Variants in SNX30 observed in about 807,000 individuals in gnomAD.
The protein encoded by SNX30 is sorting nexin family member 30, also known as sorting nexin-30.
A neutral mutation model predicts 46.4 loss-of-function variants in SNX30; 24 were observed. The ratio of observed to expected loss-of-function variants is 0.52; its 90% CI spans 0.37 to 0.73. The LOEUF (loss-of-function observed/expected upper bound fraction) is 0.73, where lower values mean the gene tolerates loss of function less well. Among genes scored for constraint, SNX30 ranks in the 30% least tolerant of loss-of-function variants. SNX30 has a pLI of 0.00. For synonymous variants in SNX30, 189 were observed against 211.5 expected, an observed-to-expected ratio of 0.89 and a Z score of 0.92; for missense variants, 533 against 555.7, an observed-to-expected ratio of 0.96 and a Z score of 0.41.
chr9:112,866,654 T>G (rs1192027068), intron 8 of SNX30: 2 of 416,478 alleles, frequency 4.8e-6, no homozygotes, highest in Non-Finnish European at 9.7e-6. Context: ...CTTTCTGGCT[T>G]GACCTAGGAT....
intron 2 of SNX30, among the ~76,000 whole-genome samples, chr9:112,815,460 A>T (rs1255784793): frequency 7.3e-5 from 11 of 151,540 alleles, no homozygotes; most frequent in Non-Finnish European, 1.5e-5. Context: ...TCTGGGGTTC[A>T]AGCAATTCTT....
chr9:112,837,954 G>C (rs1042654064), intron 5 of SNX30, among the ~76,000 whole-genome samples: 8 of 132,758 alleles, frequency 6.0e-5, no homozygotes, highest in Non-Finnish European at 1.6e-5. Context: ...GCAGTGGAGT[G>C]ATCTTGGCTC....
chr9:112,770,773 G>A (rs993050246), intron 1 of SNX30, among the ~76,000 whole-genome samples: 2 of 152,030 alleles, frequency 1.3e-5, no homozygotes, highest in African/African-American at 4.8e-5. Flanking sequence ...CGAGGCAGGC[G>A]GATCACGAGG....
At chr9:112,885,051 G>C (rs1489370549), downstream of SNX30, 1 of 152,204 alleles carries the variant, frequency 6.6e-6, no homozygotes, top group African/African-American at 2.4e-5. Flanking sequence ...TTCGAAGACA[G>C]AGCTAGCTCA....
At chr9:112,787,836 G>A (rs1001990749) in intron 1 of SNX30, among the ~76,000 whole-genome samples, 2 of 151,068 alleles carry the variant, frequency 1.3e-5, no homozygotes, top group African/African-American at 2.4e-5. Flanking sequence ...TCGCTCTGTC[G>A]CCCAGGGTAG....
At chr9:112,790,433 T>C (rs1840000938) in intron 1 of SNX30, among the ~76,000 whole-genome samples, 1 of 152,222 alleles carries the variant, frequency 6.6e-6, no homozygotes, top group Non-Finnish European at 1.5e-5. Context: ...CTCCTGCAAG[T>C]CTTCCCATTC....
chr9:112,842,852 A>G (rs1840880768), intron 6 of SNX30, among the ~76,000 whole-genome samples: 1 of 152,228 alleles, frequency 6.6e-6, no homozygotes, highest in African/African-American at 2.4e-5. Flanking sequence ...AACAATGAGA[A>G]CAGCTTGTAC....
chr9:112,807,393 C>T (rs900688291), intron 2 of SNX30, among the ~76,000 whole-genome samples: 9 of 152,008 alleles, frequency 5.9e-5, no homozygotes, highest in African/African-American at 9.7e-5. Context: ...GCAGCAGGTT[C>T]GCATGTAAAG....
chr9:112,794,735 A>G (rs1840082360), intron 1 of SNX30, among the ~76,000 whole-genome samples: 1 of 152,226 alleles, frequency 6.6e-6, no homozygotes, highest in African/African-American at 2.4e-5. Flanking sequence ...TTAATGTAAT[A>G]TAAAATTTTG....
intron 1 of SNX30, among the ~76,000 whole-genome samples, chr9:112,795,849 G>A (rs899959561): frequency 6.6e-6 from 1 of 151,968 alleles, no homozygotes; most frequent in African/African-American, 2.4e-5. Flanking sequence ...TACAGTGTTT[G>A]TGGATAAGTT....
rs1841407434 is a variant in SNX30, at chr9:112,869,219, C to T, written c.*376C>T. 2 of 215,124 alleles carry T rather than the reference C, an allele frequency of 9.3e-6. No individual in the cohort carries two copies. Among genetic ancestry groups the T allele is most frequent in the Non-Finnish European group, 9.6e-6 (1 of 104,240 alleles). 13.3% of individuals were successfully genotyped at this position (215,124 alleles called of 1,614,324 possible). A position where few individuals can be genotyped will look rare whatever the true frequency, so the allele number is the denominator to read the frequency against. ...GCCAGTTGTGGGAGAGAACCCGGGGCCTGCTTTTCAAGGATGAGGAGGAGG... is the reference window on the plus strand; with the variant it reads ...GCCAGTTGTGGGAGAGAACCCGGGGTCTGCTTTTCAAGGATGAGGAGGAGG... On this transcript the variant is annotated 3_prime_UTR_variant, in exon 9 of 9. Transcript: ENST00000374232.
rs776368957 is a variant in SNX30, at chr9:112,850,963, G to C, written c.1101+18G>C. The C allele has an allele frequency of 1.1e-5, 17 of 1,603,894 alleles. No homozygotes were observed. In the Admixed American group the frequency reaches 2.0e-4, roughly 19 times the overall value. On this transcript the variant is annotated intron_variant, in intron 7 of 8. Coordinates refer to ENST00000374232, the MANE Select transcript of SNX30 (RefSeq NM_001012994.2). ...GCCCCAAGGTCAGGGAAGCCACCTGGGAAGGGCTGCAAAGCTGTAGTCTCC... is the reference window on the plus strand; with the variant it reads ...GCCCCAAGGTCAGGGAAGCCACCTGCGAAGGGCTGCAAAGCTGTAGTCTCC...
chr9:112,859,552 A>G (rs1841194938), intron 7 of SNX30, among the ~76,000 whole-genome samples: 1 of 152,214 alleles, frequency 6.6e-6, no homozygotes, highest in Admixed American at 6.5e-5. Context: ...CATAGCAGCT[A>G]TACTGTTTTA....
intron 1 of SNX30, among the ~76,000 whole-genome samples, chr9:112,765,263 T>TC (rs1839517767): frequency 1.3e-5 from 2 of 152,226 alleles, no homozygotes; most frequent in Admixed American, 1.3e-4. Flanking sequence ...TTATAGATTT[T>TC]CTAAGGCATG....
rs1484150781 is a variant in SNX30 at position 112,756,703 on chromosome 9, C to T, written c.156+5546C>T. Among the ~76,000 whole-genome samples, 5 of 152,068 alleles carry T rather than the reference C, an allele frequency of 3.3e-5. No homozygotes were observed. In the East Asian group the frequency reaches 7.7e-4, roughly 23 times the overall value. On this transcript the variant is annotated intron_variant, in intron 1 of 8. Transcript: ENST00000374232. ...CTCGAACTCCTGACCTCAGGTGATC[C>T]GCCTGCCTCGGCCTCTGAAAGTGCT...
At chr9:112,821,182 G>A (rs62576413) in intron 3 of SNX30, among the ~76,000 whole-genome samples, 10,350 of 152,204 alleles carry the variant, frequency 0.068, 451 homozygotes, top group Non-Finnish European at 0.099. Context: ...CATCAATGCT[G>A]TTACTGTCTG....
Position 112,757,329 on chromosome 9 carries a change from T to G in SNX30, c.156+6172T>G, listed in dbSNP as rs114946561. ...GTTATGGCAAATGACAAGATGTCAT[T>G]CTTTTCTGGGGCTGAATAATATTCA... is the stretch of plus-strand genomic sequence containing the variant. On this transcript the variant is annotated intron_variant, in intron 1 of 8. Transcript: ENST00000374232. 3.0e-3 allele frequency among the ~76,000 whole-genome samples: 453 copies of G among 152,368 alleles called. 3 individuals carry two copies. The highest frequency in any genetic ancestry group is 0.01 in the African/African-American group (433 of 41,594).
At chr9:112,796,661 C>T (rs1029163386) in intron 1 of SNX30, among the ~76,000 whole-genome samples, 2 of 152,140 alleles carry the variant, frequency 1.3e-5, no homozygotes, top group African/African-American at 4.8e-5. Context: ...TTAGTAATTA[C>T]AGTTTTTTTG....
chr9:112,866,642 T>G, intron 8 of SNX30: 2 of 437,652 alleles, frequency 4.6e-6, no homozygotes, highest in South Asian at 3.4e-5. Flanking sequence ...TTCACCACTC[T>G]TCTTTCTGGC....
Sources: allele counts gnomAD v4.1 joint callset (sites outside exome capture counted in the v4.1 genomes callset), GRCh38; gene constraint gnomAD v4.1.1; transcripts MANE v1.5; gene names NCBI Gene and HGNC (gene_info 2026-07-23, HGNC 2026-07-21).